MSRB2: variants seen among roughly 807,000 people sequenced by gnomAD.
MSRB2 encodes the protein methionine-R-sulfoxide reductase B2, mitochondrial.
A neutral mutation model predicts 19.0 loss-of-function variants in MSRB2; 17 were observed. The ratio of observed to expected loss-of-function variants is 0.89; its 90% CI spans 0.61 to 1.34. MSRB2 has a LOEUF of 1.34. Among genes scored for constraint, MSRB2 ranks in the 40% most tolerant of loss-of-function variants. MSRB2 has a pLI of 0.00. For synonymous variants in MSRB2, 107 were observed against 99.7 expected (o/e 1.07, Z -0.44); for missense variants, 208 against 237.6 (o/e 0.88, Z 0.82).
chr10:23,098,397 A>T (rs1839890398), intron 1 of MSRB2, among the ~76,000 whole-genome samples: 2 of 152,228 alleles, frequency 1.3e-5, no homozygotes, highest in African/African-American at 4.8e-5. Flanking sequence ...CCAACAAAAT[A>T]TATGGCCTGT....
chr10:23,105,657 T>C (rs1839980838), intron 2 of MSRB2, among the ~76,000 whole-genome samples: 1 of 152,236 alleles, frequency 6.6e-6, no homozygotes, highest in South Asian at 2.1e-4. Context: ...TAGATATTTT[T>C]ACTAGTGAAG....
Position 23,119,534 on chromosome 10 carries a change from G to A in MSRB2, c.444+83G>A, listed in dbSNP as rs895389181. The A allele has an allele frequency of 3.7e-5, 56 of 1,508,466 alleles. 1 individual carries two copies. The highest frequency in any genetic ancestry group is 1.9e-4 in the Admixed American group (9 of 48,640). 93.4% of individuals were successfully genotyped at this position (1,508,466 alleles called of 1,614,324 possible). ...CTCTCTTGTTCTTGGCAAATCTGGT[G>A]TCCTTTTATAGGGGTACTTTCTTTT... On this transcript the variant is annotated intron_variant, in intron 4 of 4. Transcript: ENST00000376510.
intron 4 of MSRB2, 72 bp from the exon 5 acceptor site, chr10:23,120,686 G>C (rs1840171661): frequency 2.5e-6 from 3 of 1,204,428 alleles, no homozygotes; most frequent in Admixed American, 2.1e-5. Flanking sequence ...TTTTGGGGGG[G>C]TTCGTCTGTC....
chr10:23,095,859 C>T (rs1243014159), intron 1 of MSRB2, 133 bp downstream of exon 1: 5 of 121,068 alleles, frequency 4.1e-5, no homozygotes, highest in South Asian at 3.7e-4. Flanking sequence ...GCGCGCCCCT[C>T]CCCCCCCCCA....
chr10:23,101,698 C>G (rs529710903), intron 1 of MSRB2, among the ~76,000 whole-genome samples: 1 of 152,280 alleles, frequency 6.6e-6, no homozygotes, highest in African/African-American at 2.4e-5. Context: ...TTCCATGGTT[C>G]ACTGAAACCC....
intron 3 of MSRB2, chr10:23,118,955 T>C (rs1840148479): frequency 2.2e-6 from 1 of 447,978 alleles, no homozygotes; most frequent in Non-Finnish European, 4.5e-6. Flanking sequence ...TATTTCGTTT[T>C]GATTTCTCCC....
chr10:23,100,654 A>C (rs2131622082), intron 1 of MSRB2, among the ~76,000 whole-genome samples: 1 of 152,280 alleles, frequency 6.6e-6, no homozygotes. Context: ...ACTTTTAAAC[A>C]ACCAGATCTC....
intron 2 of MSRB2, among the ~76,000 whole-genome samples, chr10:23,109,561 G>A: frequency 6.7e-6 from 1 of 148,472 alleles, no homozygotes; most frequent in East Asian, 1.9e-4. Flanking sequence ...AAAAAATCAA[G>A]TTTGAGAAAT....
Position 23,110,253 on chromosome 10 carries a change from G to T in MSRB2, c.231G>T (p.Gly77=), listed in dbSNP as rs1391448470. 1.2e-6 allele frequency: 2 copies of T among 1,613,550 alleles called. No homozygotes were observed. The highest frequency in any genetic ancestry group is 1.3e-5 in the African/African-American group (1 of 75,026). The change falls in exon 3 of 5, where the codon GGG becomes GGT. Residue 77 remains glycine (G), a synonymous_variant. Transcript: ENST00000376510. ...TAATTTACTTTCAGCCTTTCAGTGG[G>T]ATCTACCTGAATAACAAGGAAGCAG... is the stretch of plus-strand genomic sequence containing the variant. ...REKGTEPPFS[G]IYLNNKEAGM...
At chr10:23,120,580 C>T (rs182384506) in intron 4 of MSRB2, among the ~76,000 whole-genome samples, 178 bp from the exon 5 acceptor site, 31 of 152,294 alleles carry the variant, frequency 2.0e-4, no homozygotes, top group Non-Finnish European at 3.4e-4. Flanking sequence ...AAACTATTTA[C>T]CATGACTGTG....
chr10:23,105,777 C>A (rs1400511317), intron 2 of MSRB2, among the ~76,000 whole-genome samples: 1 of 152,202 alleles, frequency 6.6e-6, no homozygotes, highest in Non-Finnish European at 1.5e-5. Flanking sequence ...ACATGCACTG[C>A]CATTGTAATC....
Position 23,120,759 on chromosome 10 carries a change from G to GT in MSRB2, c.447dup (p.Glu150Ter). On this transcript the variant is annotated frameshift_variant and splice_region_variant, in exon 5 of 5. Coordinates refer to ENST00000376510, the MANE Select transcript of MSRB2 (RefSeq NM_012228.4). LOFTEE classifies it high-confidence loss of function. ...GACAGAGGCTTCTGTCCTTTGCAGT[G>GT]TGAAGCTCATCTAGGTCACGTGTTT... is the stretch of plus-strand genomic sequence containing the variant. 1 of 1,612,764 alleles carries GT rather than the reference G, an allele frequency of 6.2e-7. No individual in the cohort carries two copies. The highest frequency in any genetic ancestry group is 8.5e-7 in the Non-Finnish European group (1 of 1,178,924).
chr10:23,109,246 T>C (rs72800680), intron 2 of MSRB2, among the ~76,000 whole-genome samples: 29 of 152,076 alleles, frequency 1.9e-4, no homozygotes, highest in Non-Finnish European at 3.5e-4. Context: ...TGGGCAAAAA[T>C]GGTCTTTAAA....
Position 23,096,352 on chromosome 10 carries a change from C to CTCTCTGTGTGTGTGTGTG in MSRB2, c.118+627_118+628insCTCTGTGTGTGTGTGTGT, listed in dbSNP as rs144653384. Among the ~76,000 whole-genome samples, 1,250 of 142,808 alleles carry CTCTCTGTGTGTGTGTGTG rather than the reference C, an allele frequency of 8.8e-3. 8 individuals carry two copies. Among genetic ancestry groups the CTCTCTGTGTGTGTGTGTG allele is most frequent in the South Asian group, 0.035 (159 of 4,508 alleles). 93.7% of individuals were successfully genotyped at this position (142,808 alleles called of 152,430 possible). A position where few individuals can be genotyped will look rare whatever the true frequency, so the allele number is the denominator to read the frequency against. ...TGTGTGTGTGTGTCTCTCTCTCTCT[C>CTCTCTGTGTGTGTGTGTG]TGTGTGTGTGTGTGTGTGTGTTTCT... On this transcript the variant is annotated intron_variant, in intron 1 of 4. Transcript: ENST00000376510.
chr10:23,121,455 C>G lies in MSRB2; in HGVS notation c.*593C>G, dbSNP rs369263304. The G allele has an allele frequency of 6.6e-6, 1 of 152,274 alleles. No individual in the cohort carries two copies. Among genetic ancestry groups the G allele is most frequent in the Non-Finnish European group, 1.5e-5 (1 of 68,146 alleles). 9.4% of individuals were successfully genotyped at this position (152,274 alleles called of 1,614,324 possible). A position where few individuals can be genotyped will look rare whatever the true frequency, so the allele number is the denominator to read the frequency against. ...GTTACCTCCCGGCAGGGCCCACCTC[C>G]GGCACTAGGAATTATACTTCAACAT... On this transcript the variant is annotated 3_prime_UTR_variant, in exon 5 of 5. Coordinates refer to ENST00000376510, the MANE Select transcript of MSRB2 (RefSeq NM_012228.4).
At chr10:23,112,373 T>A (rs543684598) in intron 3 of MSRB2, among the ~76,000 whole-genome samples, 61 of 152,344 alleles carry the variant, frequency 4.0e-4, no homozygotes, top group African/African-American at 1.5e-3. Context: ...CCAAGGTGTA[T>A]ATCCTGGCTC....
rs74863553 is a variant in MSRB2 at position 23,098,124 on chromosome 10, G to A, written c.118+2398G>A. On this transcript the variant is annotated intron_variant, in intron 1 of 4. Transcript: ENST00000376510. ...CTGTCCTGGGCATAGGGTTAAAATA[G>A]TCCAGGCACTGGTGGGAGAGACTAG... Among the ~76,000 whole-genome samples the A allele has an allele frequency of 8.3e-4, 126 of 152,316 alleles. 8 individuals are homozygous for A. The East Asian group carries it at 0.024, about 29-fold the overall frequency.
At chr10:23,104,083 G>A in intron 1 of MSRB2, 61 bp from the exon 2 acceptor site, 1 of 1,387,334 alleles carries the variant, frequency 7.2e-7, no homozygotes, top group Non-Finnish European at 1.0e-6. Flanking sequence ...AAAAGGTCAA[G>A]GAAGAAAAGT....
At chr10:23,110,077 G>A (rs1840032750) in intron 2 of MSRB2, among the ~76,000 whole-genome samples, 165 bp from the exon 3 acceptor site, 1 of 152,230 alleles carries the variant, frequency 6.6e-6, no homozygotes, top group African/African-American at 2.4e-5. Flanking sequence ...TCTGCAGGCT[G>A]CTTCATTGGG....
Sources: allele counts gnomAD v4.1 joint callset (sites outside exome capture counted in the v4.1 genomes callset), GRCh38; gene constraint gnomAD v4.1.1; transcripts MANE v1.5; gene names NCBI Gene and HGNC (gene_info 2026-07-23, HGNC 2026-07-21).